The following SYT1 variants were observed in gnomAD, a reference collection of about 807,000 sequenced individuals.
SYT1 encodes the protein synaptotagmin-1.
A neutral mutation model predicts 44.8 loss-of-function variants in SYT1; 8 were observed. That is an observed-to-expected ratio of 0.18 (90% CI 0.10 to 0.32). The LOEUF (loss-of-function observed/expected upper bound fraction) is 0.32, where lower values mean the gene tolerates loss of function less well. Ranked by LOEUF, SYT1 falls within the 10% of genes least tolerant of loss-of-function variation. The pLI is 1.00. For missense variants in SYT1, 286 were observed against 509.3 expected (o/e 0.56, Z 4.22); for synonymous variants, 154 against 188.8 (o/e 0.82, Z 1.51).
intron 3 of SYT1, among the ~76,000 whole-genome samples, chr12:79,053,352 T>G (rs1592704901): frequency 6.6e-6 from 1 of 151,924 alleles, no homozygotes; most frequent in Non-Finnish European, 1.5e-5. Flanking sequence ...CACCGAGGAC[T>G]GTTGTGGGGT....
chr12:79,045,164 C>T (rs570669686), intron 2 of SYT1, among the ~76,000 whole-genome samples: 126 of 152,278 alleles, frequency 8.3e-4, no homozygotes, highest in African/African-American at 2.0e-3. Flanking sequence ...TCGAGCTTCC[C>T]GGCTGCTTTG....
chr12:79,133,632 C>A (rs1868995147), intron 3 of SYT1, among the ~76,000 whole-genome samples: 1 of 151,908 alleles, frequency 6.6e-6, no homozygotes, highest in African/African-American at 2.4e-5. Context: ...TTGGGAGAAA[C>A]CAACCAGAAT....
At position 79,449,975 on chromosome 12, in the gene SYT1, T is replaced by A. The variant is rs1404755843; in HGVS notation, c.*851T>A. The A allele has an allele frequency of 1.3e-5, 2 of 149,072 alleles. No homozygotes were observed. The highest frequency in any genetic ancestry group is 1.4e-4 in the Admixed American group (2 of 14,712). The allele number at this position is 149,072 out of a possible 1,614,324, so 9.2% of individuals were successfully genotyped here. A position where few individuals can be genotyped will look rare whatever the true frequency, so the allele number is the denominator to read the frequency against. On this transcript the variant is annotated 3_prime_UTR_variant, in exon 11 of 11. Transcript: ENST00000261205. ...GTGTGTGTGCACATTTGTTTGGGGA[T>A]GGGGGAGAAGAAGCTAAGGGGAGAA...
intron 3 of SYT1, among the ~76,000 whole-genome samples, chr12:79,211,963 G>A (rs921048155): frequency 2.0e-5 from 3 of 152,074 alleles, no homozygotes; most frequent in Non-Finnish European, 4.4e-5. Context: ...TTATCCCACT[G>A]TTATTTTAAT....
At chr12:79,271,622 T>A (rs962172559) in intron 4 of SYT1, among the ~76,000 whole-genome samples, 1 of 152,192 alleles carries the variant, frequency 6.6e-6, no homozygotes, top group African/African-American at 2.4e-5. Context: ...TTGCACATAG[T>A]AGATGCTCAA....
At chr12:78,876,891 T>TACATTTATAATATAC (rs1214655186) in intron 1 of SYT1, among the ~76,000 whole-genome samples, 1 of 15,698 alleles carries the variant, frequency 6.4e-5, no homozygotes, top group African/African-American at 1.3e-4. Flanking sequence ...TTATATATAA[T>TACATTTATAATATAC]ATATATTATA....
At chr12:79,448,373 G>A (rs1870850113) in intron 10 of SYT1, among the ~76,000 whole-genome samples, 1 of 152,156 alleles carries the variant, frequency 6.6e-6, no homozygotes. Flanking sequence ...ATGATTAGTT[G>A]AAATTCTATA....
intron 3 of SYT1, among the ~76,000 whole-genome samples, chr12:79,165,962 G>C (rs1045333510): frequency 2.0e-5 from 3 of 151,758 alleles, no homozygotes; most frequent in African/African-American, 7.3e-5. Context: ...CTGCCTTATT[G>C]CACAAAAACA....
intron 9 of SYT1, among the ~76,000 whole-genome samples, chr12:79,365,202 C>T (rs1427889455): frequency 1.3e-5 from 2 of 151,918 alleles, no homozygotes; most frequent in African/African-American, 2.4e-5. Flanking sequence ...AATATATATA[C>T]ATTTTACAAA....
In SYT1 at chr12:79,448,844, G is replaced by A. The variant is rs900320479; in HGVS notation, c.1063-74G>A. On this transcript the variant is annotated intron_variant, in intron 10 of 10. Transcript: ENST00000261205. ...ATTCTTCTATTTCCAATTCTTTAGCGCTCAAGGACGCTTTATAGTCGGGCC... is the reference window on the plus strand; with the variant it reads ...ATTCTTCTATTTCCAATTCTTTAGCACTCAAGGACGCTTTATAGTCGGGCC... 6.0e-5 allele frequency: 81 copies of A among 1,349,634 alleles called. 1 individual carries two copies. In the Admixed American group the frequency reaches 8.7e-4, roughly 14 times the overall value. The allele number at this position is 1,349,634 out of a possible 1,614,324, so 83.6% of individuals were successfully genotyped here.
At chr12:78,949,572 C>T (rs1878854293) in intron 1 of SYT1, among the ~76,000 whole-genome samples, 1 of 151,424 alleles carries the variant, frequency 6.6e-6, no homozygotes, top group Non-Finnish European at 1.5e-5. Context: ...TCCAGAAAAT[C>T]ACTGACAATG....
intron 3 of SYT1, among the ~76,000 whole-genome samples, chr12:79,195,533 C>G (rs903454850): frequency 1.4e-5 from 2 of 140,252 alleles, no homozygotes; most frequent in Non-Finnish European, 3.1e-5. Context: ...AAAGAGAATA[C>G]AGTATGAATG....
chr12:79,252,156 A>T (rs1022306256), intron 4 of SYT1, among the ~76,000 whole-genome samples: 1 of 152,200 alleles, frequency 6.6e-6, no homozygotes, highest in Non-Finnish European at 1.5e-5. Flanking sequence ...TGACTCTATC[A>T]TTAAGCTTCT....
intron 1 of SYT1, among the ~76,000 whole-genome samples, chr12:78,896,359 A>G (rs1475215320): frequency 6.6e-6 from 1 of 151,812 alleles, no homozygotes; most frequent in Non-Finnish European, 1.5e-5. Flanking sequence ...ATAAAGAAAT[A>G]ACTGGGAAGA....
chr12:79,260,026 T>C (rs1232248861), intron 4 of SYT1, among the ~76,000 whole-genome samples: 1 of 152,182 alleles, frequency 6.6e-6, no homozygotes, highest in African/African-American at 2.4e-5. Flanking sequence ...TTCTCTTGGT[T>C]TTATTTTATT....
intron 2 of SYT1, among the ~76,000 whole-genome samples, chr12:79,038,078 A>C (rs868260345): frequency 6.6e-6 from 1 of 151,464 alleles, no homozygotes. Context: ...ACAGGTTCTC[A>C]TATGCCCTCT....
At chr12:79,365,834 G>GAA (rs57702061) in intron 9 of SYT1, among the ~76,000 whole-genome samples, 11 of 104,112 alleles carry the variant, frequency 1.1e-4, no homozygotes, top group African/African-American at 1.5e-4. Context: ...AAGAGTACCA[G>GAA]AAAAAAAAAA....
intron 1 of SYT1, among the ~76,000 whole-genome samples, chr12:78,876,441 A>G (rs1250634317): frequency 6.9e-6 from 1 of 145,270 alleles, no homozygotes; most frequent in Non-Finnish European, 1.5e-5. Context: ...TTCTGATAAT[A>G]ACATGTTTTG....
chr12:79,098,074 T>A (rs904398869), intron 3 of SYT1, among the ~76,000 whole-genome samples: 1 of 152,126 alleles, frequency 6.6e-6, no homozygotes, highest in South Asian at 2.1e-4. Context: ...CACCATTTAA[T>A]GAGTTTCTAT....
Sources: allele counts gnomAD v4.1 joint callset (sites outside exome capture counted in the v4.1 genomes callset), GRCh38; gene constraint gnomAD v4.1.1; transcripts MANE v1.5; gene names NCBI Gene and HGNC (gene_info 2026-07-23, HGNC 2026-07-21).